Variants in UNC13C observed in about 807,000 individuals in gnomAD.
The protein encoded by UNC13C is protein unc-13 homolog C.
Under a neutral mutation model 245.4 loss-of-function variants are expected in UNC13C, and 174 were observed. The observed-to-expected ratio is 0.71, with a 90% CI of 0.63 to 0.80. The LOEUF is 0.80. Ranked by LOEUF, UNC13C falls within the 30% of genes least tolerant of loss-of-function variation. The pLI, the probability that UNC13C is intolerant of heterozygous loss-of-function variation, is 0.00. For missense variants in UNC13C, 2,829 were observed against 2,602.9 expected, an observed-to-expected ratio of 1.09 and a Z score of -1.89; for synonymous variants, 992 against 895.1, an observed-to-expected ratio of 1.11 and a Z score of -1.93.
In UNC13C at chr15:54,527,163, T is replaced by G. The variant is rs116904252; in HGVS notation, c.5546+1526T>G. ...CTTCACCGGGATGTTAGTCAGCAAT[T>G]TCAAGGTTCTGTTTACCTGAAGTTG... On this transcript the variant is annotated intron_variant, in intron 25 of 32. Transcript: ENST00000260323. Among the ~76,000 whole-genome samples the G allele has an allele frequency of 3.8e-3, 576 of 152,300 alleles. 3 individuals carry two copies. The highest frequency in any genetic ancestry group is 6.4e-3 in the Non-Finnish European group (432 of 68,018).
the UNC13C span, among the ~76,000 whole-genome samples, chr15:53,903,629 C>T: frequency 1.1e-4 from 16 of 152,284 alleles, no homozygotes; most frequent in South Asian, 6.2e-4. Flanking sequence ...TCACAATGAT[C>T]AGATCAGTGA....
chr15:54,400,924 T>C (rs530436766), intron 18 of UNC13C, among the ~76,000 whole-genome samples: 1 of 152,264 alleles, frequency 6.6e-6, no homozygotes, highest in Non-Finnish European at 1.5e-5. Context: ...TGGAATACTA[T>C]GCAGCCATAA....
At chr15:53,899,446 G>A in the UNC13C span, among the ~76,000 whole-genome samples, 2 of 152,216 alleles carry the variant, frequency 1.3e-5, no homozygotes, top group South Asian at 4.1e-4. Context: ...AAAGCATGCA[G>A]TAGCTTTGCT....
chr15:54,091,555 T>G (rs1899574314), intron 2 of UNC13C, among the ~76,000 whole-genome samples: 1 of 152,180 alleles, frequency 6.6e-6, no homozygotes, highest in African/African-American at 2.4e-5. Context: ...TTGTAAATTT[T>G]TATATGCTTT....
chr15:54,393,526 T>A (rs917458518), intron 18 of UNC13C, among the ~76,000 whole-genome samples: 6 of 151,928 alleles, frequency 3.9e-5, no homozygotes, highest in Non-Finnish European at 8.8e-5. Flanking sequence ...TTTGAAGAGC[T>A]AGTGTTAAAC....
chr15:54,617,869 A>T (rs2141302152), intron 30 of UNC13C, among the ~76,000 whole-genome samples: 1 of 152,166 alleles, frequency 6.6e-6, no homozygotes. Flanking sequence ...TTTAATGGTG[A>T]TATTGCCAGA....
chr15:54,092,210 A>G (rs189191215), intron 2 of UNC13C, among the ~76,000 whole-genome samples: 20 of 152,302 alleles, frequency 1.3e-4, no homozygotes, highest in Admixed American at 1.2e-3. Flanking sequence ...ATATATGACC[A>G]AATAATTCAA....
intron 4 of UNC13C, among the ~76,000 whole-genome samples, chr15:54,196,771 C>T (rs528842074): frequency 6.6e-6 from 1 of 152,206 alleles, no homozygotes; most frequent in South Asian, 2.1e-4. Flanking sequence ...ACTAAAAGTC[C>T]TTCATAATTT....
chr15:54,454,756 CAG>C (rs1193165931), intron 19 of UNC13C, among the ~76,000 whole-genome samples: 1 of 152,020 alleles, frequency 6.6e-6, no homozygotes, highest in African/African-American at 2.4e-5. Flanking sequence ...GTTTCATCCA[CAG>C]TGTAGCAACT....
intron 4 of UNC13C, among the ~76,000 whole-genome samples, chr15:54,153,082 C>A (rs1025339591): frequency 3.4e-5 from 5 of 144,948 alleles, no homozygotes; most frequent in Non-Finnish European, 5.9e-5. Flanking sequence ...TAATTACTCA[C>A]TTCTTATTTA....
chr15:54,596,497 C>T (rs1438037932), intron 30 of UNC13C, among the ~76,000 whole-genome samples: 1 of 152,154 alleles, frequency 6.6e-6, no homozygotes, highest in African/African-American at 2.4e-5. Flanking sequence ...AGCATATGCA[C>T]ACACACGTAC....
At chr15:54,328,013 AC>A (rs2038342907) in intron 14 of UNC13C, among the ~76,000 whole-genome samples, 1 of 152,116 alleles carries the variant, frequency 6.6e-6, no homozygotes, top group South Asian at 2.1e-4. Context: ...GGAGGTCGAG[AC>A]CTAGAGTCAG....
At chr15:54,137,646 G>GT (rs1252070100) in intron 2 of UNC13C, among the ~76,000 whole-genome samples, 4 of 151,818 alleles carry the variant, frequency 2.6e-5, no homozygotes, top group South Asian at 2.1e-4. Flanking sequence ...ATCCTTTGTA[G>GT]TTTTGTGCTA....
intron 19 of UNC13C, among the ~76,000 whole-genome samples, chr15:54,483,935 A>G (rs551116128): frequency 1.4e-5 from 2 of 143,578 alleles, no homozygotes; most frequent in Admixed American, 7.0e-5. Context: ...ACATACACAA[A>G]CACACACAGT....
At chr15:54,142,747 T>G (rs1056171336) in intron 2 of UNC13C, among the ~76,000 whole-genome samples, 1 of 152,182 alleles carries the variant, frequency 6.6e-6, no homozygotes, top group African/African-American at 2.4e-5. Flanking sequence ...TTCTGATTCT[T>G]CAACTATGTT....
At chr15:54,098,599 G>GC (rs2141150435) in intron 2 of UNC13C, among the ~76,000 whole-genome samples, 1 of 151,092 alleles carries the variant, frequency 6.6e-6, no homozygotes, top group South Asian at 2.1e-4. Flanking sequence ...TTCACTTCAT[G>GC]TTTTTTTTTC....
intron 30 of UNC13C, among the ~76,000 whole-genome samples, chr15:54,616,828 C>T (rs563250086): frequency 1.1e-4 from 17 of 152,108 alleles, no homozygotes; most frequent in African/African-American, 3.4e-4. Context: ...TCATCACTCA[C>T]GCATTGACTC....
chr15:54,558,747 T>G (rs1897186546), intron 29 of UNC13C, among the ~76,000 whole-genome samples: 1 of 152,006 alleles, frequency 6.6e-6, no homozygotes, highest in African/African-American at 2.4e-5. Flanking sequence ...ACATTCCATT[T>G]ACCCGGAAAA....
chr15:54,386,421 G>T (rs1033594349), intron 17 of UNC13C, among the ~76,000 whole-genome samples: 1 of 152,160 alleles, frequency 6.6e-6, no homozygotes, highest in South Asian at 2.1e-4. Context: ...AACATGGAAG[G>T]CCTCAGGTGT....
Sources: allele counts gnomAD v4.1 joint callset (sites outside exome capture counted in the v4.1 genomes callset), GRCh38; gene constraint gnomAD v4.1.1; transcripts MANE v1.5; gene names NCBI Gene and HGNC (gene_info 2026-07-23, HGNC 2026-07-21).